The following MRPS16 variants were observed in gnomAD, a reference collection of about 807,000 sequenced individuals.
MRPS16 encodes the protein mitochondrial ribosomal protein S16.
In MRPS16, 5 loss-of-function variants were observed where a neutral mutation model predicts 11.0. That is an observed-to-expected ratio of 0.46 (90% CI 0.24 to 0.96). The LOEUF is 0.96. MRPS16 is among the 40% of genes least tolerant of loss of function. MRPS16 has a pLI of 0.20. For missense variants in MRPS16, 179 were observed against 174.4 expected (o/e 1.03, Z -0.15); for synonymous variants, 76 against 65.0 (o/e 1.17, Z -0.81).
At position 73,252,050 on chromosome 10, in the gene MRPS16, CA is replaced by C. The variant is rs749532687; in HGVS notation, c.14-28del. The C allele has an allele frequency of 4.4e-6, 7 of 1,605,222 alleles. No individual in the cohort carries two copies. The East Asian group carries it at 1.3e-4, about 31-fold the overall frequency. ...TGTAGAAAAGCAGCTGGTTAGGACA[CA>C]AAAAACAGCACAAAAAGGACAAAAT... On this transcript the variant is annotated intron_variant, in intron 1 of 2. Coordinates refer to ENST00000372945, the MANE Select transcript of MRPS16 (RefSeq NM_016065.4).
At chr10:73,252,275 C>G in intron 1 of MRPS16, 195 bp downstream of exon 1, 1 of 1,069,140 alleles carries the variant, frequency 9.4e-7, no homozygotes, top group Admixed American at 2.0e-5. Flanking sequence ...GGAGCCTTAG[C>G]TGCTTCAATG....
At position 73,249,558 on chromosome 10, in the gene MRPS16, CAAG is replaced by C. The variant is rs767465725; in HGVS notation, c.*1291_*1293del. 4.0e-5 allele frequency: 20 copies of C among 505,780 alleles called. No homozygotes were observed. The highest frequency in any genetic ancestry group is 2.6e-4 in the Admixed American group (8 of 31,318). 31.3% of individuals were successfully genotyped at this position (505,780 alleles called of 1,614,324 possible). On this transcript the variant is annotated 3_prime_UTR_variant, in exon 3 of 3. Coordinates refer to ENST00000372945, the MANE Select transcript of MRPS16 (RefSeq NM_016065.4). ...AAATTACCAGCAAGAAAGAAAAGTA[CAAG>C]AATAAGGTTCACAGCTGAATTGGCT...
rs2044068628 is a variant in MRPS16 at position 73,250,203 on chromosome 10, G to A, written c.*649C>T. ...CCACTGCACTCAAGCCTGGGCGACA[G>A]AGCGAGACTCCTCTCAAAAAAAAAA... On this transcript the variant is annotated 3_prime_UTR_variant, in exon 3 of 3. Coordinates refer to ENST00000372945, the MANE Select transcript of MRPS16 (RefSeq NM_016065.4). 6.6e-6 allele frequency: 1 copy of A among 151,000 alleles called. No homozygotes were observed. The highest frequency in any genetic ancestry group is 1.5e-5 in the Non-Finnish European group (1 of 68,748). The allele number at this position is 151,000 out of a possible 1,614,324, so 9.4% of individuals were successfully genotyped here.
rs778863355 is a variant in MRPS16 at position 73,250,830 on chromosome 10, A to G, written c.*22T>C. The G allele has an allele frequency of 6.2e-6, 10 of 1,612,790 alleles. No homozygotes were observed. The highest frequency in any genetic ancestry group is 3.3e-5 in the Admixed American group (2 of 60,034). Reference sequence around the variant, plus strand: ...GGACCTTGACCTTGTTCCCACTGCTATGCTCACTAAAGTCAGCTCATTTAT... The same window carrying G: ...GGACCTTGACCTTGTTCCCACTGCTGTGCTCACTAAAGTCAGCTCATTTAT... On this transcript the variant is annotated 3_prime_UTR_variant, in exon 3 of 3. Transcript: ENST00000372945.
intron 1 of MRPS16, chr10:73,252,237 G>T: frequency 1.0e-6 from 1 of 998,516 alleles, no homozygotes; most frequent in Non-Finnish European, 1.5e-6. Context: ...GCATGGGCTT[G>T]CCATTCACTA....
At position 73,249,248 on chromosome 10, in the gene MRPS16, C is replaced by T; in HGVS notation, c.*1604G>A. On this transcript the variant is annotated 3_prime_UTR_variant, in exon 3 of 3. Transcript: ENST00000372945. ...TTATATTATTTTTCCTTACAAGTTA[C>T]TTCAAATTCTTGATGTTGAATTTCA... 2 of 1,541,988 alleles carry T rather than the reference C, an allele frequency of 1.3e-6. No individual in the cohort carries two copies. Among genetic ancestry groups the T allele is most frequent in the South Asian group, 1.2e-5 (1 of 83,698 alleles).
In MRPS16 at chr10:73,249,061, G is replaced by GTTCCAGCTTGTT; in HGVS notation, c.*1790_*1791insAACAAGCTGGAA. The GTTCCAGCTTGTT allele has an allele frequency of 1.7e-6, 1 of 601,768 alleles. No individual in the cohort carries two copies. Among genetic ancestry groups the GTTCCAGCTTGTT allele is most frequent in the Non-Finnish European group, 3.1e-6 (1 of 324,888 alleles). 37.3% of individuals were successfully genotyped at this position (601,768 alleles called of 1,614,324 possible). On this transcript the variant is annotated 3_prime_UTR_variant, in exon 3 of 3. Coordinates refer to ENST00000372945, the MANE Select transcript of MRPS16 (RefSeq NM_016065.4). Reference sequence around the variant, plus strand: ...AGCTTCCCGAGTAGCTGGAACTATGGGTGAGCAACACCACAGCCAGCTAAT... The same window carrying GTTCCAGCTTGTT: ...AGCTTCCCGAGTAGCTGGAACTATGGTTCCAGCTTGTTGTGAGCAACACCACAGCCAGCTAAT...
intron 1 of MRPS16, 176 bp downstream of exon 1, chr10:73,252,294 A>G: frequency 8.7e-7 from 1 of 1,155,560 alleles, no homozygotes; most frequent in Non-Finnish European, 1.2e-6. Flanking sequence ...TGGGGTGGAA[A>G]TTTTTCAGCG....
chr10:73,252,489 G>C lies in MRPS16; in HGVS notation c.-7C>G, dbSNP rs2044133804. The C allele has an allele frequency of 6.2e-7, 1 of 1,607,966 alleles. No individual in the cohort carries two copies. The highest frequency in any genetic ancestry group is 8.5e-7 in the Non-Finnish European group (1 of 1,179,734). The stretch of plus-strand genomic sequence containing the variant: ...ACTCACTGAGGTGGACCATGGTGCC[G>C]CCGGCGTGCGGCTCCTCGGAGAGCC... On this transcript the variant is annotated 5_prime_UTR_variant, in exon 1 of 3. Transcript: ENST00000372945.
Position 73,250,823 on chromosome 10 carries a change from C to T in MRPS16, c.*29G>A, listed in dbSNP as rs770692603. The T allele has an allele frequency of 6.2e-7, 1 of 1,612,080 alleles. No homozygotes were observed. The highest frequency in any genetic ancestry group is 1.1e-5 in the South Asian group (1 of 91,020). On this transcript the variant is annotated 3_prime_UTR_variant, in exon 3 of 3. Coordinates refer to ENST00000372945, the MANE Select transcript of MRPS16 (RefSeq NM_016065.4). ...TTCAAAAGGACCTTGACCTTGTTCC[C>T]ACTGCTATGCTCACTAAAGTCAGCT...
chr10:73,252,077 GAC>G lies in MRPS16; in HGVS notation c.14-56_14-55del. 6 of 1,580,916 alleles carry G rather than the reference GAC, an allele frequency of 3.8e-6. No homozygotes were observed. In the South Asian group the frequency reaches 6.8e-5, roughly 18 times the overall value. ...AAAAACAGCACAAAAAGGACAAAAT[GAC>G]ACAGACGGCACAATTCCCTTTTCCC... On this transcript the variant is annotated intron_variant, in intron 1 of 2. Coordinates refer to ENST00000372945, the MANE Select transcript of MRPS16 (RefSeq NM_016065.4).
Position 73,250,789 on chromosome 10 carries a change from C to T in MRPS16, c.*63G>A. 1 of 1,593,338 alleles carries T rather than the reference C, an allele frequency of 6.3e-7. No individual in the cohort carries two copies. Among genetic ancestry groups the T allele is most frequent in the South Asian group, 1.1e-5 (1 of 90,556 alleles). ...TCCAAATCTAACAAAATTAAGATCG[C>T]TGCAGTGTTTCAAAAGGACCTTGAC... On this transcript the variant is annotated 3_prime_UTR_variant, in exon 3 of 3. Transcript: ENST00000372945.
chr10:73,252,314 TG>T (rs773439829), intron 1 of MRPS16, 155 bp downstream of exon 1: 21 of 1,239,308 alleles, frequency 1.7e-5, no homozygotes, highest in Non-Finnish European at 2.4e-5. Context: ...GGTGATTAAG[TG>T]GGGAAAAAAC....
intron 1 of MRPS16, 30 bp downstream of exon 1, chr10:73,252,440 G>T: frequency 6.2e-7 from 1 of 1,609,204 alleles, no homozygotes; most frequent in Non-Finnish European, 8.5e-7. Context: ...GTGACCGCCC[G>T]GAACGTCTCG....
Position 73,250,481 on chromosome 10 carries a change from T to G in MRPS16, c.*371A>C. ...GAAAGGTTAACTGTTCTTGCACTTG[T>G]GGGATGAACATGAAGATCTGAATGG... On this transcript the variant is annotated 3_prime_UTR_variant, in exon 3 of 3. Transcript: ENST00000372945. The G allele has an allele frequency of 3.4e-6, 1 of 291,370 alleles. No individual in the cohort carries two copies. The highest frequency in any genetic ancestry group is 6.6e-6 in the Non-Finnish European group (1 of 150,696). 18.0% of individuals were successfully genotyped at this position (291,370 alleles called of 1,614,324 possible).
Position 73,249,587 on chromosome 10 carries a change from TG to T in MRPS16, c.*1264del. On this transcript the variant is annotated 3_prime_UTR_variant, in exon 3 of 3. Transcript: ENST00000372945. Reference sequence around the variant, plus strand: ...AATAAGGTTCACAGCTGAATTGGCTTGGTGTCCTAATTCCCTATTCCAGTAT... The same window carrying T: ...AATAAGGTTCACAGCTGAATTGGCTTGTGTCCTAATTCCCTATTCCAGTAT... 1 of 444,976 alleles carries T rather than the reference TG, an allele frequency of 2.2e-6. No homozygotes were observed. The highest frequency in any genetic ancestry group is 4.1e-6 in the Non-Finnish European group (1 of 245,544). The allele number at this position is 444,976 out of a possible 1,614,324, so 27.6% of individuals were successfully genotyped here.
chr10:73,249,119 G>GT lies in MRPS16; in HGVS notation c.*1732dup. ...GTTTTTGTAGAGACGGGGTCTTGCT[G>GT]TGTTGCACAGGCTGGTCTCAAACTC... On this transcript the variant is annotated 3_prime_UTR_variant, in exon 3 of 3. Coordinates refer to ENST00000372945, the MANE Select transcript of MRPS16 (RefSeq NM_016065.4). 7.7e-6 allele frequency: 5 copies of GT among 645,660 alleles called. No individual in the cohort carries two copies. The highest frequency in any genetic ancestry group is 1.4e-5 in the Non-Finnish European group (5 of 363,646). 40.0% of individuals were successfully genotyped at this position (645,660 alleles called of 1,614,324 possible). A position where few individuals can be genotyped will look rare whatever the true frequency, so the allele number is the denominator to read the frequency against.
At position 73,249,110 on chromosome 10, in the gene MRPS16, G is replaced by A; in HGVS notation, c.*1742C>T. ...ATTTTTTAAGTTTTTGTAGAGACGG[G>A]GTCTTGCTGTGTTGCACAGGCTGGT... On this transcript the variant is annotated 3_prime_UTR_variant, in exon 3 of 3. Transcript: ENST00000372945. The A allele has an allele frequency of 1.6e-6, 1 of 625,536 alleles. No individual in the cohort carries two copies. Among genetic ancestry groups the A allele is most frequent in the Non-Finnish European group, 2.9e-6 (1 of 347,680 alleles). 38.7% of individuals were successfully genotyped at this position (625,536 alleles called of 1,614,324 possible).
chr10:73,251,355 G>A (rs1448435181), intron 2 of MRPS16, among the ~76,000 whole-genome samples: 1 of 151,946 alleles, frequency 6.6e-6, no homozygotes, highest in African/African-American at 2.4e-5. Flanking sequence ...GTCCTGAACA[G>A]CCTAGAGGGA....
Sources: gnomAD v4.1 joint callset for allele counts (sites outside exome capture counted in the v4.1 genomes callset) on GRCh38, gnomAD v4.1.1 for gene constraint, MANE v1.5 for transcripts, NCBI Gene and HGNC (gene_info 2026-07-23, HGNC 2026-07-21) for gene names.